Variants in CRPPA observed in about 807,000 individuals in gnomAD.
The protein encoded by CRPPA is CDP-L-ribitol pyrophosphorylase A, also known as D-ribitol-5-phosphate cytidylyltransferase.
CRPPA carries 43 observed loss-of-function variants against 52.0 expected under a neutral mutation model. The ratio of observed to expected loss-of-function variants is 0.83; its 90% CI spans 0.65 to 1.07. The LOEUF (loss-of-function observed/expected upper bound fraction) is 1.07, where lower values mean the gene tolerates loss of function less well. Ranked by LOEUF, CRPPA falls within the 50% of genes least tolerant of loss-of-function variation. The pLI, the probability that CRPPA is intolerant of heterozygous loss-of-function variation, is 0.00. For missense variants in CRPPA, 629 were observed against 551.7 expected (o/e 1.14, Z -1.40); for synonymous variants, 250 against 203.5 (o/e 1.23, Z -1.94).
rs192279532 is a variant in CRPPA at position 16,101,669 on chromosome 7, A to C, written c.1252-9870T>G. The stretch of plus-strand genomic sequence containing the variant: ...GCAAAAATCACAAGCATTCCTATAC[A>C]CCAATAATAGACAGAGAGCCAAATC... On this transcript the variant is annotated intron_variant, in intron 9 of 9. Coordinates refer to ENST00000407010, the MANE Select transcript of CRPPA (RefSeq NM_001101426.4). Among the ~76,000 whole-genome samples, 308 of 152,214 alleles carry C rather than the reference A, an allele frequency of 2.0e-3. 1 individual carries two copies. The highest frequency in any genetic ancestry group is 7.1e-3 in the African/African-American group (295 of 41,544).
At chr7:16,385,077 T>C (rs1379684329) in intron 2 of CRPPA, among the ~76,000 whole-genome samples, 1 of 151,888 alleles carries the variant, frequency 6.6e-6, no homozygotes, top group Non-Finnish European at 1.5e-5. Context: ...TAGAGAGGAA[T>C]CAATGAACTT....
At chr7:16,339,056 C>T (rs1359930155) in intron 3 of CRPPA, among the ~76,000 whole-genome samples, 2 of 151,986 alleles carry the variant, frequency 1.3e-5, no homozygotes, top group East Asian at 1.9e-4. Context: ...CCGCCCGCCT[C>T]GGCCTCCCAA....
At chr7:16,128,518 T>C (rs951674157) in intron 9 of CRPPA, among the ~76,000 whole-genome samples, 5 of 152,056 alleles carry the variant, frequency 3.3e-5, no homozygotes, top group Admixed American at 2.0e-4. Flanking sequence ...TCAGAGAACA[T>C]AGGGCTTCTA....
chr7:16,281,275 T>A (rs1046522809), intron 5 of CRPPA, among the ~76,000 whole-genome samples: 7 of 151,046 alleles, frequency 4.6e-5, no homozygotes, highest in African/African-American at 1.7e-4. Context: ...ACCCCTTTCA[T>A]CTTTTGTTAG....
intron 9 of CRPPA, among the ~76,000 whole-genome samples, chr7:16,173,796 C>A (rs887985754): frequency 8.6e-5 from 13 of 152,040 alleles, no homozygotes; most frequent in African/African-American, 3.1e-4. Flanking sequence ...TATACCACGC[C>A]ACTGAATAGA....
At chr7:16,408,893 T>G (rs1788017505) in intron 1 of CRPPA, among the ~76,000 whole-genome samples, 1 of 152,094 alleles carries the variant, frequency 6.6e-6, no homozygotes, top group South Asian at 2.1e-4. Flanking sequence ...CCAAAGAGCA[T>G]GAGTGGCCTC....
chr7:16,268,228 T>C (rs1485590478), intron 6 of CRPPA, among the ~76,000 whole-genome samples: 1 of 151,672 alleles, frequency 6.6e-6, no homozygotes, highest in Admixed American at 6.6e-5. Context: ...ATTAAAAAGG[T>C]TCTCAACAAC....
In CRPPA at chr7:16,089,452, C is replaced by CATACGGGT. The variant is rs1781779760; in HGVS notation, c.*2242_*2243insACCCGTAT. Reference sequence around the variant, plus strand: ...ATATGTGTATATATGTACGTGCATACATATATGTGTATATATGTACGTACA... The same window carrying CATACGGGT: ...ATATGTGTATATATGTACGTGCATACATACGGGTATATATGTGTATATATGTACGTACA... On this transcript the variant is annotated 3_prime_UTR_variant, in exon 10 of 10. Transcript: ENST00000407010. 3.5e-6 allele frequency: 1 copy of CATACGGGT among 287,666 alleles called. No homozygotes were observed. Among genetic ancestry groups the CATACGGGT allele is most frequent in the Admixed American group, 2.9e-5 (1 of 34,066 alleles). The allele number at this position is 287,666 out of a possible 1,614,324, so 17.8% of individuals were successfully genotyped here. A position where few individuals can be genotyped will look rare whatever the true frequency, so the allele number is the denominator to read the frequency against.
chr7:16,249,464 T>A (rs1783379140), intron 8 of CRPPA, among the ~76,000 whole-genome samples: 1 of 152,100 alleles, frequency 6.6e-6, no homozygotes, highest in Non-Finnish European at 1.5e-5. Flanking sequence ...CTGATGGACA[T>A]CTCATACAGG....
At chr7:16,159,839 T>C (rs188932503) in intron 9 of CRPPA, among the ~76,000 whole-genome samples, 1 of 152,284 alleles carries the variant, frequency 6.6e-6, no homozygotes, top group South Asian at 2.1e-4. Flanking sequence ...TGTAAAAGTG[T>C]TCCTATTTCT....
At chr7:16,321,875 T>C (rs546521777) in intron 3 of CRPPA, among the ~76,000 whole-genome samples, 2 of 152,224 alleles carry the variant, frequency 1.3e-5, no homozygotes, top group East Asian at 3.9e-4. Context: ...CCAGGCAATA[T>C]ACTAAGTCCT....
At chr7:16,222,306 A>AG (rs1483567012) in intron 8 of CRPPA, among the ~76,000 whole-genome samples, 1 of 73,238 alleles carries the variant, frequency 1.4e-5, no homozygotes, top group African/African-American at 5.5e-5. Context: ...CGGTGGGGGG[A>AG]GGGGGGAGGG....
At chr7:16,224,133 C>T (rs925848700) in intron 8 of CRPPA, among the ~76,000 whole-genome samples, 10 of 151,844 alleles carry the variant, frequency 6.6e-5, no homozygotes, top group Non-Finnish European at 1.3e-4. Context: ...TGTGGGTGGG[C>T]GAGGTTTCCG....
At chr7:16,289,603 AG>A (rs1464261454) in intron 5 of CRPPA, among the ~76,000 whole-genome samples, 1 of 152,228 alleles carries the variant, frequency 6.6e-6, no homozygotes, top group East Asian at 1.9e-4. Flanking sequence ...TAATAGACAT[AG>A]AAAAAGCATT....
intron 3 of CRPPA, among the ~76,000 whole-genome samples, chr7:16,365,597 A>G (rs954661052): frequency 3.3e-5 from 5 of 152,222 alleles, no homozygotes; most frequent in African/African-American, 1.2e-4. Flanking sequence ...GATTTTATAA[A>G]TGATGTTGAA....
intron 9 of CRPPA, among the ~76,000 whole-genome samples, chr7:16,206,864 G>A (rs747618919): frequency 2.0e-5 from 3 of 152,076 alleles, no homozygotes; most frequent in Non-Finnish European, 4.4e-5. Flanking sequence ...TTTCTAAACA[G>A]CATTAGCACA....
intron 6 of CRPPA, among the ~76,000 whole-genome samples, chr7:16,271,150 G>A (rs1457633551): frequency 6.6e-6 from 1 of 152,058 alleles, no homozygotes. Context: ...AGGAAGGAGT[G>A]GATAACCAAA....
At chr7:16,196,494 T>G (rs915379155) in intron 9 of CRPPA, among the ~76,000 whole-genome samples, 1 of 152,138 alleles carries the variant, frequency 6.6e-6, no homozygotes, top group Non-Finnish European at 1.5e-5. Flanking sequence ...TCAGAAATAG[T>G]GAGGTTATCT....
chr7:16,197,505 C>A (rs1444106189), intron 9 of CRPPA, among the ~76,000 whole-genome samples: 4 of 150,906 alleles, frequency 2.7e-5, no homozygotes, highest in Non-Finnish European at 5.9e-5. Context: ...ACTTGCGCAG[C>A]ATTTTTTTTT....
Sources: gnomAD v4.1 joint callset for allele counts (sites outside exome capture counted in the v4.1 genomes callset) on GRCh38, gnomAD v4.1.1 for gene constraint, MANE v1.5 for transcripts, NCBI Gene and HGNC (gene_info 2026-07-23, HGNC 2026-07-21) for gene names.